UNC5D: variants seen among roughly 807,000 people sequenced by gnomAD.
UNC5D encodes unc-5 netrin receptor D, also known as netrin receptor UNC5D.
In UNC5D, 39 loss-of-function variants were observed where a neutral mutation model predicts 105.4. The observed-to-expected ratio is 0.37, with a 90% CI of 0.29 to 0.48. UNC5D has a LOEUF of 0.48. UNC5D is among the 20% of genes least tolerant of loss of function. The probability of loss-of-function intolerance (pLI) is 0.98; values close to 1 mark genes in which losing one functional copy is unlikely to be tolerated. For missense variants in UNC5D, 991 were observed against 1,202.4 expected (o/e 0.82, Z 2.60); for synonymous variants, 452 against 450.4 (o/e 1.00, Z -0.04).
intron 1 of UNC5D, chr8:35,544,428 AAT>A: frequency 6.2e-7 from 1 of 1,612,338 alleles, no homozygotes; most frequent in Non-Finnish European, 8.5e-7. Flanking sequence ...AAAAAGCTGT[AAT>A]ATGTTATCTG....
intron 1 of UNC5D, among the ~76,000 whole-genome samples, chr8:35,488,615 T>G (rs1810984228): frequency 6.6e-6 from 1 of 152,214 alleles, no homozygotes; most frequent in South Asian, 2.1e-4. Flanking sequence ...GATACAGCAT[T>G]AAACCAAGGA....
At chr8:35,282,845 A>G (rs1378096751) in intron 1 of UNC5D, among the ~76,000 whole-genome samples, 1 of 152,158 alleles carries the variant, frequency 6.6e-6, no homozygotes, top group Non-Finnish European at 1.5e-5. Context: ...CTTGCTAAAT[A>G]TACTGATTAG....
intron 3 of UNC5D, among the ~76,000 whole-genome samples, chr8:35,579,310 G>A (rs541884965): frequency 2.0e-5 from 3 of 152,248 alleles, no homozygotes; most frequent in South Asian, 4.2e-4. Context: ...TACTAACTAA[G>A]GTGTAACAGT....
At chr8:35,703,391 G>C (rs375787827) in intron 7 of UNC5D, among the ~76,000 whole-genome samples, 3 of 152,098 alleles carry the variant, frequency 2.0e-5, no homozygotes, top group Admixed American at 6.5e-5. Flanking sequence ...GAGGACACAC[G>C]GAATGTAGAC....
intron 1 of UNC5D, among the ~76,000 whole-genome samples, chr8:35,504,954 C>G (rs1313810229): frequency 6.6e-6 from 1 of 152,166 alleles, no homozygotes; most frequent in Non-Finnish European, 1.5e-5. Context: ...AAAACAGCCA[C>G]TGTTCAAGAC....
rs1586278489 is a variant in UNC5D at position 35,624,810 on chromosome 8, C to G, written c.570+29153C>G. On this transcript the variant is annotated intron_variant, in intron 4 of 16. Coordinates refer to ENST00000404895, the MANE Select transcript of UNC5D (RefSeq NM_080872.4). ...CATCCACAGCATCTCTCTAAATTAACAAATTGCTGTGCTTCTTCCCTCTCC... is the reference window on the plus strand; with the variant it reads ...CATCCACAGCATCTCTCTAAATTAAGAAATTGCTGTGCTTCTTCCCTCTCC... Among the ~76,000 whole-genome samples the G allele has an allele frequency of 2.6e-5, 4 of 152,324 alleles. 1 individual carries two copies. Among genetic ancestry groups the G allele is most frequent in the Admixed American group, 2.6e-4 (4 of 15,302 alleles).
chr8:35,307,012 A>G (rs78079449), intron 1 of UNC5D, among the ~76,000 whole-genome samples: 364 of 152,296 alleles, frequency 2.4e-3, no homozygotes, highest in Admixed American at 5.8e-3. Flanking sequence ...ATGATGGTCT[A>G]TCCCACAGTA....
intron 4 of UNC5D, among the ~76,000 whole-genome samples, chr8:35,664,946 A>G (rs1447837334): frequency 2.0e-5 from 3 of 151,922 alleles, no homozygotes; most frequent in Non-Finnish European, 4.4e-5. Flanking sequence ...TGATCCTCCC[A>G]CTGCAGCCTC....
chr8:35,257,935 T>C (rs936871537), intron 1 of UNC5D, among the ~76,000 whole-genome samples: 1 of 152,238 alleles, frequency 6.6e-6, no homozygotes, highest in African/African-American at 2.4e-5. Context: ...TTTCAATTCA[T>C]TCCAAAACAA....
At chr8:35,313,667 AG>A (rs1424757680) in intron 1 of UNC5D, among the ~76,000 whole-genome samples, 1 of 152,182 alleles carries the variant, frequency 6.6e-6, no homozygotes, top group Non-Finnish European at 1.5e-5. Context: ...GGATGGATCC[AG>A]AATAGGGCTG....
At chr8:35,654,876 T>G (rs7845368) in intron 4 of UNC5D, among the ~76,000 whole-genome samples, 23,718 of 152,096 alleles carry the variant, frequency 0.16, 3,975 homozygotes, top group African/African-American at 0.42. Context: ...CTTCTGCCCC[T>G]GGTTTTCTCA....
At chr8:35,273,821 C>G (rs1805587554) in intron 1 of UNC5D, among the ~76,000 whole-genome samples, 1 of 152,128 alleles carries the variant, frequency 6.6e-6, no homozygotes, top group East Asian at 1.9e-4. Flanking sequence ...ACTAAGTGTC[C>G]ACAAAGCCTG....
intron 4 of UNC5D, among the ~76,000 whole-genome samples, chr8:35,668,539 T>C (rs1824577871): frequency 6.6e-6 from 1 of 152,112 alleles, no homozygotes; most frequent in Non-Finnish European, 1.5e-5. Flanking sequence ...TAAGAATATT[T>C]ACCCATGCTT....
rs1307823339 is a variant in UNC5D, at chr8:35,235,493, C to T, written c.-292C>T. ...CTCCGCTCCGTAGTTCGGGGCCCGG[C>T]AGCGGCGCGAGGGCTGGGAACTGCG... On this transcript the variant is annotated 5_prime_UTR_variant, in exon 1 of 17. Transcript: ENST00000404895. 1.4e-5 allele frequency: 4 copies of T among 292,212 alleles called. No individual in the cohort carries two copies. In the East Asian group the frequency reaches 1.7e-4, roughly 13 times the overall value. 18.1% of individuals were successfully genotyped at this position (292,212 alleles called of 1,614,324 possible).
intron 4 of UNC5D, among the ~76,000 whole-genome samples, chr8:35,664,469 G>T (rs1012885408): frequency 6.6e-6 from 1 of 152,176 alleles, no homozygotes; most frequent in East Asian, 1.9e-4. Flanking sequence ...TCTGGCTTCT[G>T]GGTTCAAGCA....
At chr8:35,364,554 C>T (rs1255837579) in intron 1 of UNC5D, among the ~76,000 whole-genome samples, 6 of 152,060 alleles carry the variant, frequency 3.9e-5, no homozygotes, top group Non-Finnish European at 7.4e-5. Flanking sequence ...ATTTGGAAAC[C>T]ATGGTTGGGG....
intron 4 of UNC5D, among the ~76,000 whole-genome samples, chr8:35,649,485 A>T (rs564329649): frequency 3.9e-5 from 6 of 152,222 alleles, no homozygotes. Flanking sequence ...CTTGACCTTC[A>T]TGTAGAAGTC....
chr8:35,765,933 A>ATG (rs1254594804), intron 14 of UNC5D, among the ~76,000 whole-genome samples: 2 of 152,202 alleles, frequency 1.3e-5, no homozygotes, highest in African/African-American at 4.8e-5. Flanking sequence ...CCAGAGGCAT[A>ATG]TGTGGTCATT....
chr8:35,248,197 A>ATATAAAATATATAATATATAAATATATG (rs1563247424), intron 1 of UNC5D, among the ~76,000 whole-genome samples: 1 of 33,382 alleles, frequency 3.0e-5, no homozygotes, highest in African/African-American at 1.9e-4. Context: ...ATAAATATAT[A>ATATAAAATATATAATATATAAATATATG]TTATATAAAA....
Sources: gnomAD v4.1 joint callset for allele counts (sites outside exome capture counted in the v4.1 genomes callset) on GRCh38, gnomAD v4.1.1 for gene constraint, MANE v1.5 for transcripts, NCBI Gene and HGNC (gene_info 2026-07-23, HGNC 2026-07-21) for gene names.